SLC33A1: variants seen among roughly 807,000 people sequenced by gnomAD.
SLC33A1 encodes acetyl-coenzyme A transporter 1.
In SLC33A1, 20 loss-of-function variants were observed where a neutral mutation model predicts 50.0. That is an observed-to-expected ratio of 0.40 (90% CI 0.28 to 0.58). SLC33A1 has a LOEUF of 0.58. Ranked by LOEUF, SLC33A1 falls within the 20% of genes least tolerant of loss-of-function variation. SLC33A1 has a pLI of 0.44. For synonymous variants in SLC33A1, 265 were observed against 251.8 expected (o/e 1.05, Z -0.50); for missense variants, 476 against 657.0 (o/e 0.72, Z 3.01).
intron 1 of SLC33A1, among the ~76,000 whole-genome samples, chr3:155,851,251 T>C (rs9842049): frequency 0.095 from 14,363 of 151,630 alleles, 2,271 homozygotes; most frequent in African/African-American, 0.33. Flanking sequence ...AAAATACATA[T>C]ATATAATTTT....
At chr3:155,829,068 A>AT (rs972743226) in intron 5 of SLC33A1, among the ~76,000 whole-genome samples, 3 of 151,538 alleles carry the variant, frequency 2.0e-5, no homozygotes, top group Admixed American at 2.0e-4. Flanking sequence ...CGCCCGGCTA[A>AT]TTTTTTGTAT....
intron 1 of SLC33A1, among the ~76,000 whole-genome samples, chr3:155,847,362 C>T (rs989669049): frequency 1.3e-5 from 2 of 152,102 alleles, no homozygotes; most frequent in Non-Finnish European, 2.9e-5. Context: ...TTCTAACAGG[C>T]ATTTTGAGTC....
intron 2 of SLC33A1, among the ~76,000 whole-genome samples, chr3:155,840,899 C>A (rs1399077566): frequency 5.9e-5 from 9 of 152,028 alleles, no homozygotes; most frequent in Admixed American, 5.9e-4. Flanking sequence ...GCAGGAGAAT[C>A]GCTTGAACCC....
chr3:155,837,486 A>G (rs1752729688), intron 2 of SLC33A1, among the ~76,000 whole-genome samples: 1 of 152,218 alleles, frequency 6.6e-6, no homozygotes, highest in South Asian at 2.1e-4. Flanking sequence ...ATTTGGCAGT[A>G]CAAAATACTA....
Position 155,853,583 on chromosome 3 carries a change from G to T in SLC33A1, c.415C>A (p.Arg139Ser). Residue 139 changes from arginine to serine, a missense_variant, in exon 1 of 6, where the codon CGT (arginine) becomes AGT (serine). Physicochemically the swap from Arg to Ser is moderately radical, Grantham distance 110. Transcript: ENST00000643144. ...VDAVYVKNFG[R>S]RKSWLVPTQY... Reference sequence around the variant, plus strand: ...GTCGGGACAAGCCAAGATTTGCGACGACCGAAGTTCTTAACGTAGACCGCA... The same window carrying T: ...GTCGGGACAAGCCAAGATTTGCGACTACCGAAGTTCTTAACGTAGACCGCA... 1 of 1,614,064 alleles carries T rather than the reference G, an allele frequency of 6.2e-7. No individual in the cohort carries two copies. The highest frequency in any genetic ancestry group is 1.1e-5 in the South Asian group (1 of 91,016).
At chr3:155,852,320 A>G (rs917544790) in intron 1 of SLC33A1, among the ~76,000 whole-genome samples, 15 of 152,300 alleles carry the variant, frequency 9.8e-5, no homozygotes, top group Admixed American at 2.6e-4. Context: ...ATTAAAAAAA[A>G]GAAGAAAAAA....
At chr3:155,830,018 C>T in intron 4 of SLC33A1, 115 bp from the exon 5 acceptor site, 1 of 721,320 alleles carries the variant, frequency 1.4e-6, no homozygotes, top group Non-Finnish European at 2.4e-6. Flanking sequence ...ATTTATTGAA[C>T]TCAATTCAAC....
intron 4 of SLC33A1, among the ~76,000 whole-genome samples, chr3:155,832,781 T>C (rs1198723595): frequency 7.0e-6 from 1 of 142,040 alleles, no homozygotes; most frequent in Non-Finnish European, 1.5e-5. Flanking sequence ...AGACCAATAC[T>C]ATTTCTCAAT....
chr3:155,836,082 G>C (rs2109317379), intron 2 of SLC33A1, among the ~76,000 whole-genome samples: 1 of 151,116 alleles, frequency 6.6e-6, no homozygotes, highest in Middle Eastern at 3.4e-3. Flanking sequence ...CAGGAGATTT[G>C]AGACCATCCT....
intron 1 of SLC33A1, among the ~76,000 whole-genome samples, chr3:155,848,188 T>C (rs1461892449): frequency 6.6e-6 from 1 of 152,122 alleles, no homozygotes; most frequent in Non-Finnish European, 1.5e-5. Context: ...GCAGTGGTTA[T>C]TCACAGACAC....
At chr3:155,846,716 G>C (rs1753191425) in intron 1 of SLC33A1, among the ~76,000 whole-genome samples, 1 of 151,580 alleles carries the variant, frequency 6.6e-6, no homozygotes, top group Non-Finnish European at 1.5e-5. Context: ...GCCTCCCAAA[G>C]TGCTGGGATT....
chr3:155,828,109 G>C lies in SLC33A1; in HGVS notation c.*101C>G. On this transcript the variant is annotated 3_prime_UTR_variant, in exon 6 of 6. Transcript: ENST00000643144. ...GGCATTTTATATTATTAATTTCGCT[G>C]TTTAAAATAATATTTTATACTCCTG... 4 of 847,846 alleles carry C rather than the reference G, an allele frequency of 4.7e-6. No homozygotes were observed. The highest frequency in any genetic ancestry group is 7.8e-6 in the Non-Finnish European group (4 of 514,602). The allele number at this position is 847,846 out of a possible 1,614,324, so 52.5% of individuals were successfully genotyped here. A position where few individuals can be genotyped will look rare whatever the true frequency, so the allele number is the denominator to read the frequency against.
chr3:155,840,233 G>A (rs368215393), intron 2 of SLC33A1, among the ~76,000 whole-genome samples: 5 of 151,096 alleles, frequency 3.3e-5, no homozygotes, highest in East Asian at 4.1e-4. Context: ...GCTTACAGGC[G>A]CCTGGCACCA....
chr3:155,836,914 C>G (rs891827691), intron 2 of SLC33A1, among the ~76,000 whole-genome samples: 3 of 151,822 alleles, frequency 2.0e-5, no homozygotes, highest in Non-Finnish European at 4.4e-5. Context: ...ACAGAAACAA[C>G]AACTTTACAA....
rs537150061 is a variant in SLC33A1 at position 155,848,775 on chromosome 3, G to C, written c.775+4448C>G. Among the ~76,000 whole-genome samples the C allele has an allele frequency of 4.0e-4, 61 of 152,272 alleles. 1 individual carries two copies. The highest frequency in any genetic ancestry group is 6.8e-3 in the Middle Eastern group (2 of 294). ...GTTGACGCTCCTCACCTTTAGAGGG[G>C]CATGGATTTCTCAAATTATCTCTGT... On this transcript the variant is annotated intron_variant, in intron 1 of 5. Transcript: ENST00000643144.
chr3:155,833,621 T>A (rs1752538069), intron 3 of SLC33A1, 36 bp from the exon 4 acceptor site: 1 of 1,239,638 alleles, frequency 8.1e-7, no homozygotes, highest in African/African-American at 1.5e-5. Context: ...ACTTCCATTT[T>A]AGCTTAAATA....
rs1752272667 is a variant in SLC33A1 at position 155,828,345 on chromosome 3, T to C, written c.1515A>G (p.Thr505=). 5.6e-6 allele frequency: 9 copies of C among 1,606,212 alleles called. No individual in the cohort carries two copies. Among genetic ancestry groups the C allele is most frequent in the Non-Finnish European group, 7.7e-6 (9 of 1,172,924 alleles). Residue 505 remains threonine, a synonymous_variant, in exon 6 of 6, where the codon ACA becomes ACG. Transcript: ENST00000643144. ...ACTCCACATAATAACCATCCAGGGC[T>C]GTAACACATGAGCCACCCAGTTTTT... The part of the protein sequence containing the change: ...LCKKLGGSCV[T]ALDGYYVESI...
intron 1 of SLC33A1, among the ~76,000 whole-genome samples, chr3:155,852,651 C>T (rs1487325815): frequency 6.6e-6 from 1 of 152,200 alleles, no homozygotes; most frequent in Non-Finnish European, 1.5e-5. Context: ...AATGTGAAGC[C>T]TGACTCCCAA....
rs768416616 is a variant in SLC33A1, at chr3:155,854,033, C to T, written c.-36G>A. 6.6e-7 allele frequency: 1 copy of T among 1,507,432 alleles called. No individual in the cohort carries two copies. The highest frequency in any genetic ancestry group is 2.3e-5 in the Admixed American group (1 of 42,882). The allele number at this position is 1,507,432 out of a possible 1,614,324, so 93.4% of individuals were successfully genotyped here. On this transcript the variant is annotated 5_prime_UTR_variant, in exon 1 of 6. Coordinates refer to ENST00000643144, the MANE Select transcript of SLC33A1 (RefSeq NM_004733.4). ...ATGCAGAGCCCCGTCTGTGGGGGGC[C>T]GAGGCTGAGCGTTTTGGATCCGTCC...
Sources: allele counts gnomAD v4.1 joint callset (sites outside exome capture counted in the v4.1 genomes callset), GRCh38; gene constraint gnomAD v4.1.1; transcripts MANE v1.5; gene names NCBI Gene and HGNC (gene_info 2026-07-23, HGNC 2026-07-21).